THSD4: variants seen among roughly 807,000 people sequenced by gnomAD.
THSD4 encodes thrombospondin type-1 domain-containing protein 4.
Under a neutral mutation model 119.0 loss-of-function variants are expected in THSD4, and 69 were observed. The ratio of observed to expected loss-of-function variants is 0.58; its 90% CI spans 0.48 to 0.71. THSD4 has a LOEUF of 0.71. Ranked by LOEUF, THSD4 falls within the 30% of genes least tolerant of loss-of-function variation. The probability of loss-of-function intolerance (pLI) is 0.00; values close to 1 mark genes in which losing one functional copy is unlikely to be tolerated. For synonymous variants in THSD4, 524 were observed against 540.4 expected, an observed-to-expected ratio of 0.97 and a Z score of 0.42; for missense variants, 1,393 against 1,391.1, an observed-to-expected ratio of 1.00 and a Z score of -0.02.
chr15:71,465,481 T>C (rs574225723), intron 7 of THSD4, among the ~76,000 whole-genome samples: 1 of 152,340 alleles, frequency 6.6e-6, no homozygotes, highest in East Asian at 1.9e-4. Context: ...ATAAAGCTAA[T>C]TGATAGATTT....
intron 7 of THSD4, among the ~76,000 whole-genome samples, chr15:71,642,680 C>T (rs1229754201): frequency 6.6e-6 from 1 of 151,970 alleles, no homozygotes; most frequent in African/African-American, 2.4e-5. Flanking sequence ...AATCATCATT[C>T]TCAGTAAACT....
upstream of THSD4, chr15:71,112,312 A>C: frequency 7.4e-7 from 1 of 1,343,998 alleles, no homozygotes; most frequent in African/African-American, 1.5e-5. Flanking sequence ...AAGAGAATGA[A>C]GGGGGGTACT....
At chr15:71,642,891 G>C (rs8034074) in intron 7 of THSD4, among the ~76,000 whole-genome samples, 55,855 of 151,706 alleles carry the variant, frequency 0.37, 11,058 homozygotes, top group East Asian at 0.83. Context: ...CATGGCACAT[G>C]TATACATATG....
chr15:71,728,413 C>T (rs977488069), intron 8 of THSD4, 136 bp from the exon 9 acceptor site: 33 of 1,085,772 alleles, frequency 3.0e-5, no homozygotes, highest in Admixed American at 2.3e-4. Flanking sequence ...GCCCCAGGGC[C>T]TGGATCATTG....
At chr15:71,377,853 C>T (rs1386424226) in intron 6 of THSD4, among the ~76,000 whole-genome samples, 1 of 149,984 alleles carries the variant, frequency 6.7e-6, no homozygotes, top group Non-Finnish European at 1.5e-5. Flanking sequence ...TTCTCTATTC[C>T]CGGACATATC....
chr15:71,195,152 G>C (rs1369741255), intron 3 of THSD4, among the ~76,000 whole-genome samples: 2 of 152,200 alleles, frequency 1.3e-5, no homozygotes, highest in Admixed American at 6.5e-5. Context: ...GTACGTAACT[G>C]TACTCAGTCT....
intron 6 of THSD4, among the ~76,000 whole-genome samples, chr15:71,294,743 G>A (rs2044839246): frequency 6.6e-6 from 1 of 152,088 alleles, no homozygotes; most frequent in African/African-American, 2.4e-5. Flanking sequence ...CTCTTAGATA[G>A]AAGACAGATT....
intron 7 of THSD4, among the ~76,000 whole-genome samples, chr15:71,459,182 A>T (rs1470783418): frequency 8.4e-6 from 1 of 119,376 alleles, no homozygotes; most frequent in Non-Finnish European, 1.7e-5. Flanking sequence ...TTTTTTTGAC[A>T]GAGTCTCCCT....
Position 71,356,249 on chromosome 15 carries a change from G to T in THSD4, c.1016-55438G>T, listed in dbSNP as rs142508247. 1.5e-3 allele frequency among the ~76,000 whole-genome samples: 229 copies of T among 152,270 alleles called. 2 individuals are homozygous for T. The highest frequency in any genetic ancestry group is 5.3e-3 in the African/African-American group (220 of 41,534). On this transcript the variant is annotated intron_variant, in intron 6 of 17. Coordinates refer to ENST00000261862, the MANE Select transcript of THSD4 (RefSeq NM_024817.3). ...AGTTTATTCTCCCACTGAGCTGATG[G>T]CTACTCTCTGCACACGGTTGCTTCT...
rs1440504928 is a variant in THSD4 at position 71,780,752 on chromosome 15, AG to A, written c.*3381del. 1 of 454,954 alleles carries A rather than the reference AG, an allele frequency of 2.2e-6. No homozygotes were observed. Among genetic ancestry groups the A allele is most frequent in the Non-Finnish European group, 4.4e-6 (1 of 226,404 alleles). 28.2% of individuals were successfully genotyped at this position (454,954 alleles called of 1,614,324 possible). On this transcript the variant is annotated 3_prime_UTR_variant, in exon 18 of 18. Transcript: ENST00000261862. ...TACCTCTCTGGCCCAGAGTTCTTGG[AG>A]GGTTTTTTCTTTATTTTCTTATGTA...
In THSD4 at chr15:71,215,141, G is replaced by A; in HGVS notation, c.206G>A (p.Cys69Tyr). The A allele has an allele frequency of 7.3e-7, 1 of 1,371,574 alleles. No homozygotes were observed. The highest frequency in any genetic ancestry group is 9.4e-7 in the Non-Finnish European group (1 of 1,059,048). The allele number at this position is 1,371,574 out of a possible 1,614,324, so 85.0% of individuals were successfully genotyped here. A position where few individuals can be genotyped will look rare whatever the true frequency, so the allele number is the denominator to read the frequency against. ...CCCTGGTCGGCCTGCTCGCGTAGCT[G>A]CAGCGGCGGCGTGATGGAGCAGACG... The part of the protein sequence containing the change: ...WGPWSACSRS[C>Y]SGGVMEQTRP... Residue 69 changes from cysteine to tyrosine, a missense_variant, in exon 4 of 18, where the codon TGC becomes TAC. Transcript: ENST00000261862.
intron 3 of THSD4, among the ~76,000 whole-genome samples, chr15:71,176,118 A>T (rs1353153946): frequency 6.8e-6 from 1 of 147,704 alleles, no homozygotes; most frequent in Middle Eastern, 3.2e-3. Context: ...TAATGACAGG[A>T]TCAAATTCAC....
intron 7 of THSD4, among the ~76,000 whole-genome samples, chr15:71,633,269 CTTTTTTTTTTTTTTTT>C (rs67682951): frequency 4.7e-5 from 3 of 63,162 alleles, no homozygotes; most frequent in African/African-American, 1.7e-4. Context: ...TTCTTTCTTT[CTTTTTTTTTTTTTTTT>C]TTTTTTTGGA....
At chr15:71,387,228 G>C (rs551606668) in intron 6 of THSD4, among the ~76,000 whole-genome samples, 4 of 151,892 alleles carry the variant, frequency 2.6e-5, no homozygotes, top group Admixed American at 6.6e-5. Flanking sequence ...CAGGCTGAGA[G>C]ACTATAGAAA....
intron 6 of THSD4, among the ~76,000 whole-genome samples, chr15:71,406,951 T>C (rs1038706323): frequency 6.6e-6 from 1 of 152,100 alleles, no homozygotes; most frequent in African/African-American, 2.4e-5. Context: ...TCTAAAGTGT[T>C]GGGATTACAT....
chr15:71,122,169 GA>G (rs2040414256), intron 1 of THSD4, among the ~76,000 whole-genome samples: 1 of 152,088 alleles, frequency 6.6e-6, no homozygotes, highest in Non-Finnish European at 1.5e-5. Context: ...TTGAAGTTCA[GA>G]GGATCTTCTG....
At chr15:71,363,935 G>C (rs1321111201) in intron 6 of THSD4, among the ~76,000 whole-genome samples, 1 of 152,190 alleles carries the variant, frequency 6.6e-6, no homozygotes, top group African/African-American at 2.4e-5. Context: ...CCCCACAAAA[G>C]ATATTCAGAA....
chr15:71,452,467 A>G (rs1356035934), intron 7 of THSD4, among the ~76,000 whole-genome samples: 2 of 150,210 alleles, frequency 1.3e-5, no homozygotes, highest in Non-Finnish European at 3.0e-5. Flanking sequence ...CTCCTCCCTC[A>G]GCTCTCAAAG....
intron 7 of THSD4, among the ~76,000 whole-genome samples, chr15:71,542,588 A>G (rs1275797863): frequency 6.6e-6 from 1 of 152,142 alleles, no homozygotes; most frequent in Non-Finnish European, 1.5e-5. Context: ...TTAGAAAAAA[A>G]CAAATTGGGC....
Sources: gnomAD v4.1 joint callset for allele counts (sites outside exome capture counted in the v4.1 genomes callset) on GRCh38, gnomAD v4.1.1 for gene constraint, MANE v1.5 for transcripts, NCBI Gene and HGNC (gene_info 2026-07-23, HGNC 2026-07-21) for gene names.